Variants in FGF13 observed in about 807,000 individuals in gnomAD.
The protein encoded by FGF13 is fibroblast growth factor 13.
In FGF13, 2 loss-of-function variants were observed where a neutral mutation model predicts 19.5. The observed-to-expected ratio is 0.10, with a 90% CI of 0.04 to 0.32. The LOEUF (loss-of-function observed/expected upper bound fraction) is 0.32, where lower values mean the gene tolerates loss of function less well. FGF13 is among the 10% of genes least tolerant of loss of function. FGF13 has a pLI of 1.00. For missense variants in FGF13, 113 were observed against 192.7 expected (o/e 0.59, Z 2.45); for synonymous variants, 72 against 76.9 (o/e 0.94, Z 0.33).
At chrX:138,868,835 C>T (rs1040750198) in intron 1 of FGF13, among the ~76,000 whole-genome samples, 4 of 110,605 alleles carry the variant, frequency 3.6e-5, no homozygotes, top group Admixed American at 9.7e-5. Flanking sequence ...ATGGGTCAAG[C>T]GAGAAATTTG....
Position 138,811,761 on chromosome X carries a change from A to T in FGF13, c.217+45751T>A, listed in dbSNP as rs373168200. Reference sequence around the variant, plus strand: ...ACTCTAGATTTCCAGTCCCACCTGTACCCTATCCTACTTTCCCTCCAGTAT... The same window carrying T: ...ACTCTAGATTTCCAGTCCCACCTGTTCCCTATCCTACTTTCCCTCCAGTAT... On this transcript the variant is annotated intron_variant, in intron 3 of 6. Coordinates refer to the FGF13 transcript ENST00000436198. Among the ~76,000 whole-genome samples, 202 of 110,107 alleles carry T rather than the reference A, an allele frequency of 1.8e-3. 2 individuals carry two copies. Among genetic ancestry groups the T allele is most frequent in the African/African-American group, 6.6e-3 (200 of 30,345 alleles).
chrX:139,084,007 T>G (rs2083387899), intron 1 of FGF13, among the ~76,000 whole-genome samples: 1 of 110,249 alleles, frequency 9.1e-6, no homozygotes, highest in Admixed American at 9.7e-5. Context: ...GGGACTGGTG[T>G]GTTGGCTTGC....
At chrX:139,066,074 T>A (rs2092355314) in intron 1 of FGF13, among the ~76,000 whole-genome samples, 1 of 111,396 alleles carries the variant, frequency 9.0e-6, no homozygotes. Flanking sequence ...GAATGACTAC[T>A]GGGTAAATAA....
chrX:138,848,823 CA>C (rs2091202214), intron 3 of FGF13, among the ~76,000 whole-genome samples: 1 of 111,519 alleles, frequency 9.0e-6, no homozygotes, highest in African/African-American at 3.3e-5. Flanking sequence ...GTATGGTACA[CA>C]AACATAGCAC....
At position 138,641,971 on chromosome X, in the gene FGF13, T is replaced by C. The variant is rs146631307; in HGVS notation, c.403-6316A>G. 2.1e-4 allele frequency among the ~76,000 whole-genome samples: 23 copies of C among 111,374 alleles called. No homozygotes were observed. The East Asian group carries it at 6.5e-3, about 32-fold the overall frequency. ...TGAAACAAATAAATTAAAAATAGAA[T>C]ATATGAAGAAACTTTGGAAGCTCCC... On this transcript the variant is annotated intron_variant, in intron 3 of 4. Transcript: ENST00000315930.
In FGF13 at chrX:138,621,004, CA is replaced by C. The variant is rs2089011261; in HGVS notation, c.*11845del. 1 of 111,406 alleles carries C rather than the reference CA, an allele frequency of 9.0e-6. No individual in the cohort carries two copies. The highest frequency in any genetic ancestry group is 1.9e-5 in the Non-Finnish European group (1 of 53,038). 9.2% of individuals were successfully genotyped at this position (111,406 alleles called of 1,213,427 possible). A position where few individuals can be genotyped will look rare whatever the true frequency, so the allele number is the denominator to read the frequency against. On this transcript the variant is annotated 3_prime_UTR_variant, in exon 5 of 5. Transcript: ENST00000315930. ...TAAAGCAGGTATTAATAGATATGAACAGGAAATATAGACTGTAATAGTATAG... is the reference window on the plus strand; with the variant it reads ...TAAAGCAGGTATTAATAGATATGAACGGAAATATAGACTGTAATAGTATAG...
At chrX:139,184,372 G>A (rs1466874087) in intron 1 of FGF13, among the ~76,000 whole-genome samples, 1 of 111,466 alleles carries the variant, frequency 9.0e-6, no homozygotes, top group Admixed American at 9.5e-5. Flanking sequence ...TTATACTTGT[G>A]CACTTTTATT....
At chrX:138,699,440 T>C (rs2089925982) in intron 3 of FGF13, among the ~76,000 whole-genome samples, 1 of 111,279 alleles carries the variant, frequency 9.0e-6, no homozygotes, top group Non-Finnish European at 1.9e-5. Flanking sequence ...CAACCCTGTG[T>C]TCTGCCCTAA....
In FGF13 at chrX:138,700,232, C is replaced by A. The variant is rs181388731; in HGVS notation, c.402+2752G>T. Among the ~76,000 whole-genome samples, 27 of 111,252 alleles carry A rather than the reference C, an allele frequency of 2.4e-4. No homozygotes were observed. In the East Asian group the frequency reaches 7.7e-3, roughly 32 times the overall value. On this transcript the variant is annotated intron_variant, in intron 3 of 4. Transcript: ENST00000315930. ...TAAGCAGACTGTAGTCATCCCTCAC[C>A]AATTTTTTTTAACTTGCCCACATCA...
intron 2 of FGF13, among the ~76,000 whole-genome samples, chrX:138,863,214 C>T (rs900400168): frequency 5.4e-5 from 6 of 111,419 alleles, no homozygotes; most frequent in Non-Finnish European, 1.1e-4. Flanking sequence ...TCTTGTCTGG[C>T]TTTCCCTACA....
At chrX:138,964,837 G>A (rs1348421088) in intron 1 of FGF13, among the ~76,000 whole-genome samples, 1 of 110,821 alleles carries the variant, frequency 9.0e-6, no homozygotes, top group African/African-American at 3.3e-5. Context: ...GGGCTGGGGG[G>A]TACCACAAAG....
chrX:138,998,828 A>G, intron 1 of FGF13, among the ~76,000 whole-genome samples: 1 of 111,822 alleles, frequency 8.9e-6, no homozygotes, highest in East Asian at 2.8e-4. Context: ...TTCTGGACCA[A>G]GCAGATCTAA....
intron 1 of FGF13, among the ~76,000 whole-genome samples, chrX:138,964,876 C>T (rs2124308995): frequency 9.0e-6 from 1 of 111,326 alleles, no homozygotes; most frequent in East Asian, 2.8e-4. Context: ...CTCCCATGGC[C>T]CAAACATGTC....
chrX:139,075,760 T>C (rs769237882), intron 1 of FGF13, among the ~76,000 whole-genome samples: 2 of 112,279 alleles, frequency 1.8e-5, no homozygotes, highest in East Asian at 5.6e-4. Context: ...ACCTGTATAT[T>C]ATCTGTACAT....
intron 1 of FGF13, among the ~76,000 whole-genome samples, chrX:138,935,595 C>T (rs183997599): frequency 4.5e-5 from 5 of 111,782 alleles, no homozygotes; most frequent in African/African-American, 1.6e-4. Flanking sequence ...AAATAGAGCA[C>T]ACGAGATGAT....
chrX:139,175,469 G>A (rs757991669), intron 1 of FGF13, among the ~76,000 whole-genome samples: 1 of 112,084 alleles, frequency 8.9e-6, no homozygotes, highest in Non-Finnish European at 1.9e-5. Flanking sequence ...AGAGCATATT[G>A]TCTTGTGCCA....
chrX:138,643,694 A>G (rs1312273503), intron 3 of FGF13, among the ~76,000 whole-genome samples: 2 of 112,152 alleles, frequency 1.8e-5, no homozygotes, highest in African/African-American at 6.5e-5. Context: ...CTCACTGTTT[A>G]ACAGAAATCT....
chrX:138,979,899 T>G (rs1029489885), intron 1 of FGF13, among the ~76,000 whole-genome samples: 2 of 111,559 alleles, frequency 1.8e-5, no homozygotes, highest in Non-Finnish European at 3.8e-5. Flanking sequence ...CCAGTCTGAG[T>G]TGGCAGGCTG....
rs1304185547 is a variant in FGF13, at chrX:138,614,748, A to C, written c.*18102T>G. The C allele has an allele frequency of 8.9e-6, 1 of 112,198 alleles. No individual in the cohort carries two copies. Among genetic ancestry groups the C allele is most frequent in the Admixed American group, 9.5e-5 (1 of 10,552 alleles). 9.2% of individuals were successfully genotyped at this position (112,198 alleles called of 1,213,427 possible). On this transcript the variant is annotated 3_prime_UTR_variant, in exon 5 of 5. Transcript: ENST00000315930. ...AATCTTATACATGAATGTTCATAGC[A>C]ACTTTATTTGTAATAGCCCAAAAGT...
Sources: gnomAD v4.1 joint callset for allele counts (sites outside exome capture counted in the v4.1 genomes callset) on GRCh38, gnomAD v4.1.1 for gene constraint, MANE v1.5 for transcripts, NCBI Gene and HGNC (gene_info 2026-07-23, HGNC 2026-07-21) for gene names.